CYTH1: variants seen among roughly 807,000 people sequenced by gnomAD.
CYTH1 encodes the protein cytohesin-1.
A neutral mutation model predicts 61.8 loss-of-function variants in CYTH1; 18 were observed. The observed-to-expected ratio is 0.29, with a 90% CI of 0.20 to 0.43. CYTH1 has a LOEUF of 0.43. Ranked by LOEUF, CYTH1 falls within the 20% of genes least tolerant of loss-of-function variation. The pLI, the probability that CYTH1 is intolerant of heterozygous loss-of-function variation, is 1.00. For missense variants in CYTH1, 336 were observed against 510.5 expected, an observed-to-expected ratio of 0.66 and a Z score of 3.29; for synonymous variants, 174 against 184.3, an observed-to-expected ratio of 0.94 and a Z score of 0.45.
At chr17:78,781,924 G>C (rs2093520097) in intron 1 of CYTH1, among the ~76,000 whole-genome samples, 1 of 149,722 alleles carries the variant, frequency 6.7e-6, no homozygotes, top group South Asian at 2.1e-4. Flanking sequence ...CTGGCCCCGC[G>C]AGACCGCGAG....
intron 1 of CYTH1, among the ~76,000 whole-genome samples, chr17:78,710,878 G>A (rs2093121623): frequency 6.6e-6 from 1 of 152,150 alleles, no homozygotes; most frequent in South Asian, 2.1e-4. Flanking sequence ...GTGAGCCTGA[G>A]CTGCACTGTA....
At chr17:78,763,698 A>T (rs1266654190) in intron 1 of CYTH1, among the ~76,000 whole-genome samples, 3 of 152,206 alleles carry the variant, frequency 2.0e-5, no homozygotes, top group Non-Finnish European at 4.4e-5. Context: ...TACTATACTC[A>T]CATATTTTCA....
intron 1 of CYTH1, among the ~76,000 whole-genome samples, chr17:78,771,187 T>C (rs1419351469): frequency 6.6e-6 from 1 of 151,472 alleles, no homozygotes; most frequent in Non-Finnish European, 1.5e-5. Context: ...TGCCTGAACC[T>C]GGGAGGCAGA....
At chr17:78,751,474 C>CAAAA (rs71309110) in intron 1 of CYTH1, among the ~76,000 whole-genome samples, 7,064 of 145,092 alleles carry the variant, frequency 0.049, 283 homozygotes, top group South Asian at 0.14. Context: ...CACAAAAATA[C>CAAAA]AAAAAAAAAA....
intron 10 of CYTH1, among the ~76,000 whole-genome samples, chr17:78,693,828 T>C (rs930878135): frequency 6.6e-6 from 1 of 152,132 alleles, no homozygotes; most frequent in Non-Finnish European, 1.5e-5. Flanking sequence ...TCAAAACTTA[T>C]CCCTAAGGCC....
At chr17:78,706,105 G>A (rs958369378) in intron 3 of CYTH1, among the ~76,000 whole-genome samples, 1 of 152,176 alleles carries the variant, frequency 6.6e-6, no homozygotes, top group East Asian at 1.9e-4. Context: ...TTTATAGTCA[G>A]AAAAAAGCCA....
chr17:78,680,931 C>T lies in CYTH1; in HGVS notation c.963+40G>A, dbSNP rs73999198. 7.4e-4 allele frequency: 1,187 copies of T among 1,594,014 alleles called. 7 individuals carry two copies. In the African/African-American group the frequency reaches 0.014, roughly 18 times the overall value. ...TAAAAAAAATCTTTGAAATGCCCATCCCCTTTCTCCCCTCAAAATATCTCA... is the reference window on the plus strand; with the variant it reads ...TAAAAAAAATCTTTGAAATGCCCATTCCCTTTCTCCCCTCAAAATATCTCA... On this transcript the variant is annotated intron_variant, in intron 12 of 13. Transcript: ENST00000446868.
chr17:78,762,485 C>T (rs1262921667), intron 1 of CYTH1, among the ~76,000 whole-genome samples: 1 of 152,164 alleles, frequency 6.6e-6, no homozygotes, highest in East Asian at 1.9e-4. Context: ...ATTCCATGGG[C>T]AAAGGCACTA....
intron 1 of CYTH1, among the ~76,000 whole-genome samples, chr17:78,715,041 T>C (rs1316602132): frequency 6.6e-6 from 1 of 152,108 alleles, no homozygotes; most frequent in African/African-American, 2.4e-5. Context: ...TTTGAAAATA[T>C]AAGCAAACCT....
rs1013722856 is a variant in CYTH1 at position 78,686,956 on chromosome 17, T to A, written c.891+5461A>T. On this transcript the variant is annotated intron_variant, in intron 11 of 13. Transcript: ENST00000446868. Reference sequence around the variant, plus strand: ...GCCACCACACTTGGCTGATTTTTTATTTTTAGTAGAGACGGGGTTTCTCCA... The same window carrying A: ...GCCACCACACTTGGCTGATTTTTTAATTTTAGTAGAGACGGGGTTTCTCCA... 3.3e-5 allele frequency among the ~76,000 whole-genome samples: 5 copies of A among 152,106 alleles called. 1 individual carries two copies. The highest frequency in any genetic ancestry group is 7.4e-5 in the Non-Finnish European group (5 of 67,992).
At chr17:78,688,663 G>T (rs1015578981) in intron 11 of CYTH1, among the ~76,000 whole-genome samples, 1 of 152,156 alleles carries the variant, frequency 6.6e-6, no homozygotes, top group South Asian at 2.1e-4. Context: ...TTGATGAAGT[G>T]GTGGCCTTCA....
intron 1 of CYTH1, among the ~76,000 whole-genome samples, chr17:78,748,313 G>A (rs1293874943): frequency 2.0e-5 from 3 of 152,198 alleles, no homozygotes; most frequent in South Asian, 4.1e-4. Context: ...CAGGTGTCCC[G>A]TCAGCTGGTG....
At chr17:78,708,852 T>C (rs1464479081) in intron 2 of CYTH1, 2 of 152,758 alleles carry the variant, frequency 1.3e-5, no homozygotes, top group African/African-American at 4.8e-5. Flanking sequence ...GATCTACCAG[T>C]GAAGCAGAAA....
intron 3 of CYTH1, among the ~76,000 whole-genome samples, chr17:78,707,181 T>C (rs2093076419): frequency 6.6e-6 from 1 of 152,158 alleles, no homozygotes; most frequent in East Asian, 1.9e-4. Flanking sequence ...GGACTCAGCC[T>C]CACTATACCC....
chr17:78,746,970 CTGAT>C (rs2093361690), intron 1 of CYTH1, among the ~76,000 whole-genome samples: 1 of 151,588 alleles, frequency 6.6e-6, no homozygotes, highest in African/African-American at 2.4e-5. Context: ...AAAGTGTACA[CTGAT>C]TTATTAAAAA....
chr17:78,699,953 C>T (rs1305035510), intron 7 of CYTH1, among the ~76,000 whole-genome samples: 1 of 152,120 alleles, frequency 6.6e-6, no homozygotes, highest in Non-Finnish European at 1.5e-5. Context: ...CCACACCTGG[C>T]TAATTTTTAA....
intron 13 of CYTH1, chr17:78,676,773 TG>T: frequency 2.9e-6 from 1 of 349,806 alleles, no homozygotes; most frequent in South Asian, 2.1e-5. Flanking sequence ...AGCTCATGCT[TG>T]TGCTACAGCC....
At chr17:78,761,939 T>A (rs566670865) in intron 1 of CYTH1, among the ~76,000 whole-genome samples, 1 of 152,344 alleles carries the variant, frequency 6.6e-6, no homozygotes, top group South Asian at 2.1e-4. Flanking sequence ...TTAAACCAAA[T>A]GAGCCTTTAA....
intron 1 of CYTH1, among the ~76,000 whole-genome samples, chr17:78,781,102 G>A (rs947539674): frequency 6.6e-6 from 1 of 151,526 alleles, no homozygotes; most frequent in African/African-American, 2.4e-5. Flanking sequence ...AGCCACTCAA[G>A]AGGCTGACGT....
Sources: gnomAD v4.1 joint callset for allele counts (sites outside exome capture counted in the v4.1 genomes callset) on GRCh38, gnomAD v4.1.1 for gene constraint, MANE v1.5 for transcripts, NCBI Gene and HGNC (gene_info 2026-07-23, HGNC 2026-07-21) for gene names.